The following ASPG variants were observed in gnomAD, a reference collection of about 807,000 sequenced individuals.
The protein encoded by ASPG is asparaginase.
Under a neutral mutation model 63.2 loss-of-function variants are expected in ASPG, and 53 were observed. The observed-to-expected ratio is 0.84, with a 90% CI of 0.67 to 1.05. The LOEUF (loss-of-function observed/expected upper bound fraction) is 1.05. ASPG is among the 50% of genes least tolerant of loss of function. ASPG has a pLI of 0.00. For synonymous variants in ASPG, 370 were observed against 355.0 expected, an observed-to-expected ratio of 1.04 and a Z score of -0.48; for missense variants, 741 against 794.4, an observed-to-expected ratio of 0.93 and a Z score of 0.81.
In ASPG at chr14:104,098,858, C is replaced by T. The variant is rs375422655; in HGVS notation, c.519C>T (p.Cys173=). The change falls in exon 6 of 16, where the codon TGC becomes TGT. Residue 173 remains cysteine, a synonymous_variant. Transcript: ENST00000551177. ...MAGQYVIPEV[C]LFFQNQLFRG... ...CTGTCGCTCCGTTCCCGCAGGTCTG[C>T]CTTTTCTTCCAGAATCAGCTGTTTC... 1.9e-6 allele frequency: 3 copies of T among 1,612,878 alleles called. No individual in the cohort carries two copies. The highest frequency in any genetic ancestry group is 2.2e-5 in the East Asian group (1 of 44,886).
intron 3 of ASPG, 68 bp downstream of exon 3, chr14:104,093,670 C>A: frequency 1.0e-6 from 1 of 954,884 alleles, no homozygotes; most frequent in Non-Finnish European, 1.4e-6. Flanking sequence ...GTGGGTGGGG[C>A]TGTGGTGTGT....
chr14:104,097,368 T>A (rs1294492902), intron 4 of ASPG, among the ~76,000 whole-genome samples, 186 bp from the exon 5 acceptor site: 1 of 152,102 alleles, frequency 6.6e-6, no homozygotes, highest in Non-Finnish European at 1.5e-5. Flanking sequence ...CTCCTCTGAG[T>A]GCCCCGTTCC....
Position 104,109,203 on chromosome 14 carries a change from A to G in ASPG, c.1434-26A>G, listed in dbSNP as rs772053842. 2 of 1,611,424 alleles carry G rather than the reference A, an allele frequency of 1.2e-6. No individual in the cohort carries two copies. On this transcript the variant is annotated intron_variant, in intron 12 of 15. Coordinates refer to ENST00000551177, the MANE Select transcript of ASPG (RefSeq NM_001080464.3). This position sits in a 1 kb window ranked among gnomAD's most constrained non-coding sequence, Gnocchi z 4.8. ...GCGGGGCTGGGCTGGCCAGGGCAGA[A>G]GGTCAGCATGCTCATTCTCACACAG...
Position 104,104,733 on chromosome 14 carries a change from G to A in ASPG, c.1048G>A (p.Glu350Lys). Residue 350 changes from glutamate to lysine, a missense_variant and splice_region_variant, in exon 9 of 16, where the codon GAG (glutamate) becomes AAG (lysine). Transcript: ENST00000551177. Reference protein sequence around the residue: ...QPGLSLDVRKELLTKDLRGEM... With the variant: ...QPGLSLDVRKKLLTKDLRGEM... ...AGGGCTGAGCCTGGATGTCAGGAAGGAGGTGCGGGCGCTCTCGGGCTGTGG... is the reference window on the plus strand; with the variant it reads ...AGGGCTGAGCCTGGATGTCAGGAAGAAGGTGCGGGCGCTCTCGGGCTGTGG... 1 of 1,591,888 alleles carries A rather than the reference G, an allele frequency of 6.3e-7. No homozygotes were observed. Among genetic ancestry groups the A allele is most frequent in the Non-Finnish European group, 8.6e-7 (1 of 1,166,212 alleles).
At chr14:104,103,202 G>C in intron 6 of ASPG, among the ~76,000 whole-genome samples, 1 of 152,244 alleles carries the variant, frequency 6.6e-6, no homozygotes, top group East Asian at 1.9e-4. Flanking sequence ...CGGCCTGCAA[G>C]ACACAGCCGG....
chr14:104,108,548 T>A (rs1369883017), intron 12 of ASPG: 1 of 985,156 alleles, frequency 1.0e-6, no homozygotes, highest in Admixed American at 6.1e-5. Flanking sequence ...AATGGGGTGA[T>A]GGGGGGATCT....
chr14:104,100,236 G>T (rs2036813923), intron 6 of ASPG, among the ~76,000 whole-genome samples: 1 of 152,188 alleles, frequency 6.6e-6, no homozygotes, highest in South Asian at 2.1e-4. Context: ...CCCTGGGAAG[G>T]GTCTGGCAGG....
In ASPG at chr14:104,104,439, A is replaced by G; in HGVS notation, c.889A>G (p.Thr297Ala). 1.2e-6 allele frequency: 2 copies of G among 1,612,488 alleles called. No homozygotes were observed. Among genetic ancestry groups the G allele is most frequent in the Non-Finnish European group, 1.7e-6 (2 of 1,179,768 alleles). ...GCGCGGCCTGGTCATCGTCAACTGTACCCACTGCCTCCAGGGGGCTGTGAC... is the reference window on the plus strand; with the variant it reads ...GCGCGGCCTGGTCATCGTCAACTGTGCCCACTGCCTCCAGGGGGCTGTGAC... ...TERGLVIVNCTHCLQGAVTTD... is the reference protein window; with the variant it reads ...TERGLVIVNCAHCLQGAVTTD... The change falls in exon 8 of 16, where the codon ACC becomes GCC. Residue 297 changes from threonine (T) to alanine (A), a missense_variant. Thr to Ala is a moderately conservative substitution (Grantham distance 58, BLOSUM62 0). Transcript: ENST00000551177.
intron 3 of ASPG, among the ~76,000 whole-genome samples, chr14:104,095,073 CA>C (rs1054576741): frequency 1.1e-4 from 16 of 152,328 alleles, no homozygotes; most frequent in African/African-American, 3.8e-4. Context: ...GGTCCAGATC[CA>C]GGCAACCTCC....
intron 7 of ASPG, among the ~76,000 whole-genome samples, chr14:104,103,991 G>T (rs2037000762): frequency 6.6e-6 from 1 of 152,258 alleles, no homozygotes; most frequent in African/African-American, 2.4e-5. Context: ...CTGGACAAGG[G>T]TGTTTGCTCT....
Position 104,098,917 on chromosome 14 carries a change from G to A in ASPG, c.578G>A (p.Arg193Lys), listed in dbSNP as rs777398649. Residue 193 changes from arginine (R) to lysine (K), a missense_variant, in exon 6 of 16, where the codon AGG becomes AAG. By Grantham distance (26) the Arg-to-Lys change is conservative. Transcript: ENST00000551177. ...GNRATKVDAR[R>K]FAAFCSPNLL... ...CGGGCAACCAAGGTAGACGCTCGGA[G>A]GTTCGCAGCTTTCTGCTCCCCGAAC... 1 of 1,610,342 alleles carries A rather than the reference G, an allele frequency of 6.2e-7. No homozygotes were observed. The highest frequency in any genetic ancestry group is 8.5e-7 in the Non-Finnish European group (1 of 1,178,916).
chr14:104,092,864 C>G lies in ASPG; in HGVS notation c.191+123C>G. The G allele has an allele frequency of 5.0e-6, 4 of 801,746 alleles. No homozygotes were observed. The South Asian group carries it at 6.5e-5, about 13-fold the overall frequency. 49.7% of individuals were successfully genotyped at this position (801,746 alleles called of 1,614,324 possible). On this transcript the variant is annotated intron_variant, in intron 2 of 15. Transcript: ENST00000551177. ...TGCTCACCCCTGTCTCTAACATCCC[C>G]TCAGCTTACAGGGCTTTAGGACTGA...
intron 1 of ASPG, among the ~76,000 whole-genome samples, chr14:104,088,867 C>G (rs1012874653): frequency 1.3e-5 from 2 of 152,118 alleles, no homozygotes; most frequent in Non-Finnish European, 2.9e-5. Flanking sequence ...CAAACTCAGG[C>G]ACCTGCCTGG....
At chr14:104,104,872 T>G in intron 9 of ASPG, 137 bp downstream of exon 9, 1 of 723,756 alleles carries the variant, frequency 1.4e-6, no homozygotes, top group Non-Finnish European at 2.2e-6. Flanking sequence ...AGGGGAGGGA[T>G]GTGGCTCCCT....
At chr14:104,089,769 C>T (rs1026539651) in intron 1 of ASPG, among the ~76,000 whole-genome samples, 2 of 151,704 alleles carry the variant, frequency 1.3e-5, no homozygotes, top group Non-Finnish European at 2.9e-5. Flanking sequence ...GCTAACATGG[C>T]GAAACCCCGT....
In ASPG at chr14:104,111,582, G is replaced by A. The variant is rs1454553710; in HGVS notation, c.1601G>A (p.Gly534Glu). ...GACCTGGGGCAGCCGGGCTATGACG[G>A]GCACAGCGCCCTGCACGTCGTGAGT... is the stretch of plus-strand genomic sequence containing the variant. The part of the protein sequence containing the change: ...GADLGQPGYD[G>E]HSALHVAEAA... The change falls in exon 14 of 16, where the codon GGG becomes GAG. Residue 534 changes from glycine (G) to glutamate (E), a missense_variant. Physicochemically the swap from Gly to Glu is moderately conservative, Grantham distance 98 (BLOSUM62 -2). Coordinates refer to ENST00000551177, the MANE Select transcript of ASPG (RefSeq NM_001080464.3). 3.2e-6 allele frequency: 5 copies of A among 1,550,574 alleles called. No homozygotes were observed. Among genetic ancestry groups the A allele is most frequent in the Non-Finnish European group, 4.4e-6 (5 of 1,147,088 alleles).
Position 104,109,163 on chromosome 14 carries a change from C to T in ASPG, c.1434-66C>T, listed in dbSNP as rs1412995507. 1.3e-6 allele frequency: 2 copies of T among 1,586,646 alleles called. No homozygotes were observed. The highest frequency in any genetic ancestry group is 1.7e-6 in the Non-Finnish European group (2 of 1,167,584). On this transcript the variant is annotated intron_variant, in intron 12 of 15. Transcript: ENST00000551177. The surrounding 1 kb of genome is among the most constrained non-coding windows in gnomAD (Gnocchi z 4.8). ...GCACAGGACATGAGCTCTGCTGGCT[C>T]CTGAGTGAGGTGCAGCGGGGCTGGG...
intron 1 of ASPG, among the ~76,000 whole-genome samples, chr14:104,086,848 T>G (rs879430036): frequency 1.3e-5 from 2 of 151,914 alleles, no homozygotes; most frequent in Admixed American, 1.3e-4. Context: ...AGCGCAGCTC[T>G]CTCTCCTGGG....
In ASPG at chr14:104,091,575, G is replaced by C. The variant is rs562146567; in HGVS notation, c.83-1058G>C. 6.6e-6 allele frequency among the ~76,000 whole-genome samples: 1 copy of C among 152,134 alleles called. No individual in the cohort carries two copies. Among genetic ancestry groups the C allele is most frequent in the Admixed American group, 6.5e-5 (1 of 15,284 alleles). The stretch of plus-strand genomic sequence containing the variant: ...TCACGGGGCCAAGGGCTGGTGTCCC[G>C]GGGCTGGTGACTTAACAGGCAGAGA... On this transcript the variant is annotated intron_variant, in intron 1 of 15. Transcript: ENST00000551177. This position sits in a 1 kb window ranked among gnomAD's most constrained non-coding sequence, Gnocchi z 6.4.
Sources: allele counts gnomAD v4.1 joint callset (sites outside exome capture counted in the v4.1 genomes callset), GRCh38; gene constraint gnomAD v4.1.1; non-coding constraint Gnocchi (gnomAD v3.1); transcripts MANE v1.5; gene names NCBI Gene and HGNC (gene_info 2026-07-23, HGNC 2026-07-21).